SLC16A9: variants seen among roughly 807,000 people sequenced by gnomAD.
The protein encoded by SLC16A9 is monocarboxylate transporter 9.
Under a neutral mutation model 44.3 loss-of-function variants are expected in SLC16A9, and 26 were observed. That is an observed-to-expected ratio of 0.59 (90% CI 0.43 to 0.81). SLC16A9 has a LOEUF of 0.81. SLC16A9 is among the 40% of genes least tolerant of loss of function. The pLI, the probability that SLC16A9 is intolerant of heterozygous loss-of-function variation, is 0.00. For missense variants in SLC16A9, 559 were observed against 595.8 expected, an observed-to-expected ratio of 0.94 and a Z score of 0.64; for synonymous variants, 230 against 225.1, an observed-to-expected ratio of 1.02 and a Z score of -0.19.
At chr10:59,663,059 AG>A (rs1839518594) in intron 4 of SLC16A9, among the ~76,000 whole-genome samples, 2 of 152,192 alleles carry the variant, frequency 1.3e-5, no homozygotes, top group African/African-American at 4.8e-5. Context: ...GACTGGATAA[AG>A]AAAATGTGGC....
At chr10:59,690,062 C>G (rs1840218898) in intron 1 of SLC16A9, among the ~76,000 whole-genome samples, 1 of 152,082 alleles carries the variant, frequency 6.6e-6, no homozygotes, top group African/African-American at 2.4e-5. Context: ...TGGCATGCAC[C>G]TGTGGTCCCA....
At chr10:59,703,308 C>T (rs867742412) in intron 1 of SLC16A9, among the ~76,000 whole-genome samples, 1 of 152,154 alleles carries the variant, frequency 6.6e-6, no homozygotes, top group African/African-American at 2.4e-5. Flanking sequence ...TTTGTAGAGA[C>T]GAAGTCTCAC....
intron 1 of SLC16A9, among the ~76,000 whole-genome samples, chr10:59,692,915 A>T (rs1010965079): frequency 1.3e-5 from 2 of 152,254 alleles, no homozygotes; most frequent in African/African-American, 2.4e-5. Flanking sequence ...ATTCTAAAAC[A>T]ATAGGTACAC....
chr10:59,700,651 C>T (rs918741855), intron 1 of SLC16A9, among the ~76,000 whole-genome samples: 7 of 152,188 alleles, frequency 4.6e-5, no homozygotes, highest in African/African-American at 1.4e-4. Flanking sequence ...AATCTTGTTA[C>T]TGTAGTTGCA....
chr10:59,665,727 C>A (rs192773698), intron 3 of SLC16A9, among the ~76,000 whole-genome samples: 2 of 152,006 alleles, frequency 1.3e-5, no homozygotes, highest in Non-Finnish European at 2.9e-5. Context: ...CCTTTGGAGG[C>A]GGTTTTATTG....
chr10:59,701,512 C>T (rs1354605183), intron 1 of SLC16A9, among the ~76,000 whole-genome samples: 1 of 152,196 alleles, frequency 6.6e-6, no homozygotes, highest in Admixed American at 6.5e-5. Context: ...ATATCAATGA[C>T]AATCATTCTT....
intron 4 of SLC16A9, among the ~76,000 whole-genome samples, chr10:59,656,656 T>G (rs551176049): frequency 7.2e-5 from 11 of 152,326 alleles, no homozygotes; most frequent in African/African-American, 2.6e-4. Flanking sequence ...ACTGCAAAAC[T>G]GTGATTGTTA....
At chr10:59,658,368 A>T in intron 4 of SLC16A9, among the ~76,000 whole-genome samples, 1 of 152,000 alleles carries the variant, frequency 6.6e-6, no homozygotes, top group Non-Finnish European at 1.5e-5. Context: ...GCCATTTGTT[A>T]CTCATAAAAA....
intron 1 of SLC16A9, among the ~76,000 whole-genome samples, chr10:59,697,038 T>A (rs1190641721): frequency 2.2e-5 from 2 of 89,562 alleles, no homozygotes; most frequent in Non-Finnish European, 4.8e-5. Flanking sequence ...GGGGCGCCTC[T>A]GCCTGGCCGC....
chr10:59,703,359 A>G (rs1309518914), intron 1 of SLC16A9, among the ~76,000 whole-genome samples: 1 of 152,210 alleles, frequency 6.6e-6, no homozygotes, highest in Non-Finnish European at 1.5e-5. Context: ...GGCTGAAGCA[A>G]TTCTCCTATC....
intron 2 of SLC16A9, among the ~76,000 whole-genome samples, chr10:59,673,456 T>C (rs981466392): frequency 6.6e-6 from 1 of 152,206 alleles, no homozygotes. Flanking sequence ...CAGAACTTAA[T>C]GTACTAGAAA....
At chr10:59,700,438 CT>C (rs1438291419) in intron 1 of SLC16A9, among the ~76,000 whole-genome samples, 14 of 152,260 alleles carry the variant, frequency 9.2e-5, no homozygotes, top group Admixed American at 6.5e-5. Flanking sequence ...TAGGATCTCC[CT>C]TTCAAAACCA....
intron 5 of SLC16A9, among the ~76,000 whole-genome samples, chr10:59,653,444 A>AAAAAAAAAAAAAAAAAAAAAAC (rs1564693243): frequency 1.3e-5 from 2 of 149,022 alleles, no homozygotes; most frequent in Non-Finnish European, 3.0e-5. Context: ...AAAAAAAAAA[A>AAAAAAAAAAAAAAAAAAAAAAC]AGCAGGCATT....
Position 59,702,464 on chromosome 10 carries a change from A to C in SLC16A9, c.-37+7015T>G, listed in dbSNP as rs966817653. ...CTAGGACAAGGGCAAATCGTGGCTCAAAACTGTCATTCAGAGCCTCTTGTT... is the reference window on the plus strand; with the variant it reads ...CTAGGACAAGGGCAAATCGTGGCTCCAAACTGTCATTCAGAGCCTCTTGTT... On this transcript the variant is annotated intron_variant, in intron 1 of 5. Coordinates refer to ENST00000395348, the MANE Select transcript of SLC16A9 (RefSeq NM_194298.3). 2.0e-5 allele frequency among the ~76,000 whole-genome samples: 3 copies of C among 152,328 alleles called. No individual in the cohort carries two copies. In the East Asian group the frequency reaches 5.8e-4, roughly 29 times the overall value.
At chr10:59,690,736 T>C (rs752763541) in intron 1 of SLC16A9, among the ~76,000 whole-genome samples, 3 of 152,150 alleles carry the variant, frequency 2.0e-5, no homozygotes, top group Non-Finnish European at 2.9e-5. Flanking sequence ...AATAATTGTT[T>C]CTACATATTG....
chr10:59,670,997 T>C (rs894887670), intron 3 of SLC16A9, among the ~76,000 whole-genome samples: 7 of 152,212 alleles, frequency 4.6e-5, no homozygotes, highest in Non-Finnish European at 1.5e-5. Context: ...CTCAACTCTT[T>C]ATTTTATTGT....
intron 1 of SLC16A9, among the ~76,000 whole-genome samples, chr10:59,692,627 T>A (rs16913988): frequency 0.073 from 11,089 of 152,244 alleles, 590 homozygotes; most frequent in African/African-American, 0.14. Context: ...GTTTTAGCTC[T>A]GACTCCAATG....
intron 3 of SLC16A9, among the ~76,000 whole-genome samples, chr10:59,671,637 C>T (rs1219763436): frequency 6.6e-6 from 1 of 152,170 alleles, no homozygotes. Context: ...TAAGAGGTAT[C>T]ATTCCCTACA....
intron 1 of SLC16A9, among the ~76,000 whole-genome samples, chr10:59,694,095 G>A (rs976045423): frequency 1.3e-5 from 2 of 151,460 alleles, no homozygotes; most frequent in African/African-American, 2.4e-5. Flanking sequence ...CCGCCACCAC[G>A]CCCGGTAACT....
Sources: gnomAD v4.1 joint callset for allele counts (sites outside exome capture counted in the v4.1 genomes callset) on GRCh38, gnomAD v4.1.1 for gene constraint, MANE v1.5 for transcripts, NCBI Gene and HGNC (gene_info 2026-07-23, HGNC 2026-07-21) for gene names.